SRPRB: variants seen among roughly 807,000 people sequenced by gnomAD.
SRPRB encodes signal recognition particle receptor subunit beta.
A neutral mutation model predicts 31.9 loss-of-function variants in SRPRB; 20 were observed. That is an observed-to-expected ratio of 0.63 (90% CI 0.44 to 0.91). SRPRB has a LOEUF of 0.91. Among genes scored for constraint, SRPRB ranks in the 40% least tolerant of loss-of-function variants. The pLI is 0.00. For synonymous variants in SRPRB, 146 were observed against 132.8 expected (o/e 1.10, Z -0.68); for missense variants, 321 against 324.9 (o/e 0.99, Z 0.09).
chr3:133,827,994 TC>T, downstream of SRPRB: 1 of 702,766 alleles, frequency 1.4e-6, no homozygotes, highest in Non-Finnish European at 2.6e-6. Flanking sequence ...ACCTCGTCCT[TC>T]TGATGGCCTC....
At chr3:133,810,866 C>G in intron 3 of SRPRB, 1 of 365,004 alleles carries the variant, frequency 2.7e-6, no homozygotes, top group Non-Finnish European at 5.0e-6. Flanking sequence ...TATCAGTGTT[C>G]TCATTTTATA....
At chr3:133,805,663 T>A (rs1286450157), upstream of SRPRB, 1 of 615,136 alleles carries the variant, frequency 1.6e-6, no homozygotes, top group African/African-American at 1.9e-5. Context: ...TGTCTGCCCC[T>A]ATCGTTCTGT....
At chr3:133,828,336 T>C, downstream of SRPRB, 1 of 351,630 alleles carries the variant, frequency 2.8e-6, no homozygotes, top group South Asian at 3.9e-5. Context: ...TTTTAATTTA[T>C]TGGGCTGGGG....
chr3:133,806,053 G>A, intron 1 of SRPRB, 51 bp downstream of exon 1: 2 of 1,587,688 alleles, frequency 1.3e-6, no homozygotes, highest in Non-Finnish European at 1.7e-6. Flanking sequence ...AGAGGTCCGG[G>A]CTTTGGCTGC....
At chr3:133,821,818 C>A (rs926608597), downstream of SRPRB, among the ~76,000 whole-genome samples, 1 of 152,202 alleles carries the variant, frequency 6.6e-6, no homozygotes, top group Non-Finnish European at 1.5e-5. Context: ...TAGAGATGAT[C>A]TGGCCTGGAG....
downstream of SRPRB, chr3:133,828,355 A>G: frequency 2.9e-6 from 1 of 350,528 alleles, no homozygotes; most frequent in Non-Finnish European, 5.2e-6. Flanking sequence ...GGATAGGAGG[A>G]AGGCAGAGGT....
chr3:133,801,622 C>T (rs529407975), upstream of SRPRB, among the ~76,000 whole-genome samples: 2 of 152,344 alleles, frequency 1.3e-5, no homozygotes, highest in East Asian at 3.9e-4. Context: ...CCGTGTCTGG[C>T]TCTTCCTTCT....
rs532327668 is a variant in SRPRB, at chr3:133,798,248, A to C, written c.-173-7428A>C. 4.6e-5 allele frequency among the ~76,000 whole-genome samples: 7 copies of C among 152,332 alleles called. No homozygotes were observed. The East Asian group carries it at 1.3e-3, about 29-fold the overall frequency. Reference sequence around the variant, plus strand: ...AGGACTTGCTCATTAAGTTGGCAGCAGGGGGGCAAAAGGAAGCATAAAGGG... The same window carrying C: ...AGGACTTGCTCATTAAGTTGGCAGCCGGGGGGCAAAAGGAAGCATAAAGGG... On this transcript the variant is annotated intron_variant, in intron 1 of 7. Coordinates refer to the SRPRB transcript ENST00000466490.
At chr3:133,789,677 C>G (rs763721295) in intron 1 of SRPRB, 1 of 152,154 alleles carries the variant, frequency 6.6e-6, no homozygotes, top group Non-Finnish European at 1.5e-5. Flanking sequence ...TTTTCAAGTT[C>G]ACATGACTTA....
chr3:133,792,726 T>C (rs1934871659), intron 1 of SRPRB: 1 of 152,214 alleles, frequency 6.6e-6, no homozygotes, highest in South Asian at 2.1e-4. Flanking sequence ...TAGATTTTTT[T>C]TTCTGTCTAA....
intron 6 of SRPRB, among the ~76,000 whole-genome samples, chr3:133,818,707 CCT>C (rs573101242): frequency 5.1e-4 from 77 of 151,892 alleles, no homozygotes; most frequent in South Asian, 2.1e-3. Context: ...CTAGAAGGCC[CCT>C]GTTTCTCCCC....
intron 4 of SRPRB, among the ~76,000 whole-genome samples, chr3:133,813,141 A>T (rs1208292073): frequency 6.6e-6 from 1 of 152,134 alleles, no homozygotes; most frequent in Non-Finnish European, 1.5e-5. Context: ...TCTAATTGTC[A>T]TTTCACTGTA....
intron 1 of SRPRB, chr3:133,787,365 G>C (rs1396425001): frequency 6.6e-6 from 1 of 152,130 alleles, no homozygotes; most frequent in Non-Finnish European, 1.5e-5. Context: ...CAGAGAGAAG[G>C]GAGTGAGGAA....
chr3:133,801,394 C>A (rs1935059470), upstream of SRPRB, among the ~76,000 whole-genome samples: 1 of 152,174 alleles, frequency 6.6e-6, no homozygotes, highest in South Asian at 2.1e-4. Flanking sequence ...CTAATCTCAC[C>A]CCTCCTGCTC....
At chr3:133,815,811 A>G (rs1935356012) in intron 5 of SRPRB, 85 bp downstream of exon 5, 3 of 1,479,640 alleles carry the variant, frequency 2.0e-6, no homozygotes, top group East Asian at 2.3e-5. Context: ...TACAGTTGTT[A>G]TTATTGAGGA....
chr3:133,789,628 A>G (rs951803915), intron 1 of SRPRB: 2 of 152,272 alleles, frequency 1.3e-5, no homozygotes, highest in African/African-American at 4.8e-5. Context: ...GCATATAAGT[A>G]AAAGAGCACT....
chr3:133,807,802 A>G lies in SRPRB; in HGVS notation c.306A>G (p.Val102=), dbSNP rs1319428835. 1 of 1,611,826 alleles carries G rather than the reference A, an allele frequency of 6.2e-7. No homozygotes were observed. Among genetic ancestry groups the G allele is most frequent in the Admixed American group, 1.7e-5 (1 of 59,068 alleles). The change falls in exon 3 of 7, where the codon GTA becomes GTG. Residue 102 remains valine (V), a synonymous_variant. Coordinates refer to ENST00000678299, the MANE Select transcript of SRPRB (RefSeq NM_001379313.1). ...CGTCCATTACTGACAGCTGTGCTGT[A>G]TACAGAGTCAACAATAACAGGGTAA... is the stretch of plus-strand genomic sequence containing the variant. ...TQTSITDSCA[V]YRVNNNRGNS...
chr3:133,786,222 TAAAAAAAAA>T (rs1553742153), intron 1 of SRPRB: 1 of 84,352 alleles, frequency 1.2e-5, no homozygotes, highest in Non-Finnish European at 2.4e-5. Flanking sequence ...AAAAATAAAT[TAAAAAAAAA>T]AAAAAAAAAC....
chr3:133,819,490 C>G, intron 6 of SRPRB, 63 bp from the exon 7 acceptor site: 1 of 1,474,908 alleles, frequency 6.8e-7, no homozygotes, highest in African/African-American at 1.4e-5. Flanking sequence ...TGTTTAGAAA[C>G]TAATATGATT....
Sources: gnomAD v4.1 joint callset for allele counts (sites outside exome capture counted in the v4.1 genomes callset) on GRCh38, gnomAD v4.1.1 for gene constraint, MANE v1.5 for transcripts, NCBI Gene and HGNC (gene_info 2026-07-23, HGNC 2026-07-21) for gene names.